The following SEL1L3 variants were observed in gnomAD, a reference collection of about 807,000 sequenced individuals.
The protein encoded by SEL1L3 is protein sel-1 homolog 3.
A neutral mutation model predicts 142.8 loss-of-function variants in SEL1L3; 76 were observed. The ratio of observed to expected loss-of-function variants is 0.53; its 90% CI spans 0.44 to 0.64. SEL1L3 has a LOEUF of 0.64. SEL1L3 is among the 30% of genes least tolerant of loss of function. SEL1L3 has a pLI of 0.00. For missense variants in SEL1L3, 1,262 were observed against 1,381.7 expected (o/e 0.91, Z 1.37); for synonymous variants, 504 against 519.6 (o/e 0.97, Z 0.41).
chr4:25,721,498 A>G, the SEL1L3 span, among the ~76,000 whole-genome samples: 1 of 152,138 alleles, frequency 6.6e-6, no homozygotes, highest in Admixed American at 6.5e-5. Flanking sequence ...GTCCTTCCAC[A>G]ATGACTTACC....
At chr4:25,739,709 A>G in the SEL1L3 span, among the ~76,000 whole-genome samples, 1 of 145,940 alleles carries the variant, frequency 6.9e-6, no homozygotes, top group Admixed American at 6.6e-5. Context: ...CCGTCAAAAA[A>G]AAACAAAAAA....
intron 7 of SEL1L3, 71 bp downstream of exon 7, chr4:25,821,925 G>A: frequency 3.3e-6 from 5 of 1,501,508 alleles, no homozygotes; most frequent in Non-Finnish European, 4.5e-6. Context: ...TATTTACACT[G>A]GGTGGCACAC....
chr4:25,750,771 T>C (rs1717543578), intron 23 of SEL1L3, among the ~76,000 whole-genome samples: 1 of 152,236 alleles, frequency 6.6e-6, no homozygotes, highest in African/African-American at 2.4e-5. Flanking sequence ...GCTGGAAATG[T>C]AGATGACAGG....
At chr4:25,744,315 T>C (rs1456091273), downstream of SEL1L3, among the ~76,000 whole-genome samples, 2 of 149,258 alleles carry the variant, frequency 1.3e-5, no homozygotes, top group Non-Finnish European at 3.0e-5. Flanking sequence ...AGTTAAGAGT[T>C]AATTAAGGTA....
At chr4:25,824,066 CT>C (rs1288230740) in intron 6 of SEL1L3, among the ~76,000 whole-genome samples, 1 of 152,178 alleles carries the variant, frequency 6.6e-6, no homozygotes, top group Non-Finnish European at 1.5e-5. Context: ...TGATATTTTT[CT>C]TTTCAGAATC....
At position 25,759,229 on chromosome 4, in the gene SEL1L3, T is replaced by C. The variant is rs910498496; in HGVS notation, c.2956-161A>G. ...CATTGATGAATTGTTTCCCTAAATA[T>C]ATGCATCTGAGAAATTTATTTGCAG... is the stretch of plus-strand genomic sequence containing the variant. On this transcript the variant is annotated intron_variant, in intron 20 of 23. Coordinates refer to ENST00000399878, the MANE Select transcript of SEL1L3 (RefSeq NM_015187.5). 1.0e-5 allele frequency: 7 copies of C among 688,122 alleles called. No individual in the cohort carries two copies. The African/African-American group carries it at 1.3e-4, about 12-fold the overall frequency. 42.6% of individuals were successfully genotyped at this position (688,122 alleles called of 1,614,324 possible). A position where few individuals can be genotyped will look rare whatever the true frequency, so the allele number is the denominator to read the frequency against.
At chr4:25,862,460 G>A in intron 1 of SEL1L3, among the ~76,000 whole-genome samples, 1 of 152,172 alleles carries the variant, frequency 6.6e-6, no homozygotes, top group East Asian at 1.9e-4. Flanking sequence ...ATGAGCACGA[G>A]CGAGAGAGCA....
chr4:25,817,562 G>A (rs986449610), intron 9 of SEL1L3, among the ~76,000 whole-genome samples: 4 of 152,134 alleles, frequency 2.6e-5, no homozygotes, highest in Admixed American at 1.3e-4. Flanking sequence ...ACTTCAAATC[G>A]GAGGTCCCAC....
chr4:25,757,714 A>T lies in SEL1L3; in HGVS notation c.3160T>A (p.Trp1054Arg). ...AWLYLHLRLL[W>R]GAILHSALIY... ...AGGGCTGAGTGCAGGATAGCACCCCAGAGAAGCCGCAAGTGCAGGTAAAGC... is the reference window on the plus strand; with the variant it reads ...AGGGCTGAGTGCAGGATAGCACCCCTGAGAAGCCGCAAGTGCAGGTAAAGC... The change falls in exon 22 of 24, where the codon TGG (tryptophan) becomes AGG (arginine). Residue 1054 changes from tryptophan (W) to arginine (R), a missense_variant. Physicochemically the swap from Trp to Arg is moderately radical, Grantham distance 101. Transcript: ENST00000399878. 1 of 1,596,870 alleles carries T rather than the reference A, an allele frequency of 6.3e-7. No individual in the cohort carries two copies. The highest frequency in any genetic ancestry group is 2.3e-5 in the East Asian group (1 of 44,056).
chr4:25,729,751 C>T, the SEL1L3 span, among the ~76,000 whole-genome samples: 165 of 152,150 alleles, frequency 1.1e-3, 1 homozygote, highest in African/African-American at 3.7e-3. Context: ...TTTAGCCAAC[C>T]CATTTAGCAT....
At chr4:25,842,045 G>A (rs1325026649) in intron 2 of SEL1L3, among the ~76,000 whole-genome samples, 1 of 152,144 alleles carries the variant, frequency 6.6e-6, no homozygotes, top group Admixed American at 6.5e-5. Context: ...GTAAGTGACT[G>A]TAACTATTGG....
At chr4:25,838,768 G>T (rs1435098566) in intron 2 of SEL1L3, among the ~76,000 whole-genome samples, 1 of 152,178 alleles carries the variant, frequency 6.6e-6, no homozygotes, top group East Asian at 1.9e-4. Context: ...ACCCCTCACT[G>T]GTTGTTAAAT....
At chr4:25,723,874 G>C in the SEL1L3 span, among the ~76,000 whole-genome samples, 101 of 152,262 alleles carry the variant, frequency 6.6e-4, no homozygotes, top group East Asian at 0.018. Flanking sequence ...ATGCAGGACA[G>C]CTTGACTTAT....
chr4:25,734,160 A>C, the SEL1L3 span, among the ~76,000 whole-genome samples: 1 of 151,952 alleles, frequency 6.6e-6, no homozygotes, highest in Non-Finnish European at 1.5e-5. Flanking sequence ...AGTAGCTGGG[A>C]TTATAGGCAC....
Position 25,862,924 on chromosome 4 carries a change from G to T in SEL1L3, c.-88C>A, listed in dbSNP as rs910171728. On this transcript the variant is annotated 5_prime_UTR_variant, in exon 1 of 24. Coordinates refer to ENST00000399878, the MANE Select transcript of SEL1L3 (RefSeq NM_015187.5). ...AGGCGCCACCTTCCCGCCCGCCCCC[G>T]GCCGGGCCGGCCGCCGCGCGCGGGG... The T allele has an allele frequency of 9.5e-5, 79 of 831,474 alleles. No individual in the cohort carries two copies. Among genetic ancestry groups the T allele is most frequent in the Non-Finnish European group, 1.0e-4 (77 of 736,872 alleles). 51.5% of individuals were successfully genotyped at this position (831,474 alleles called of 1,614,324 possible).
intron 13 of SEL1L3, among the ~76,000 whole-genome samples, chr4:25,784,917 G>A (rs1006648687): frequency 6.6e-6 from 1 of 152,256 alleles, no homozygotes; most frequent in Non-Finnish European, 1.5e-5. Flanking sequence ...TGTCATAAGA[G>A]AGAAACTCTG....
chr4:25,792,961 T>C (rs77143595), intron 11 of SEL1L3, among the ~76,000 whole-genome samples: 1 of 152,242 alleles, frequency 6.6e-6, no homozygotes. Context: ...ATTGATATTC[T>C]TAGGTCTTTC....
Position 25,759,036 on chromosome 4 carries a change from T to C in SEL1L3, c.2988A>G (p.Glu996=). ...AGATATGGTGTGGGATTATCGTACCTTCCTCGATTAGCAGGGCCAGGTTAA... is the reference window on the plus strand; with the variant it reads ...AGATATGGTGTGGGATTATCGTACCCTCCTCGATTAGCAGGGCCAGGTTAA... ...GFFNLALLIE[E]GTIIPHHILD... The change falls in exon 21 of 24, where the codon GAA becomes GAG. Residue 996 remains glutamate (E), a synonymous_variant. Coordinates refer to ENST00000399878, the MANE Select transcript of SEL1L3 (RefSeq NM_015187.5). 6.2e-7 allele frequency: 1 copy of C among 1,613,744 alleles called. No individual in the cohort carries two copies. The highest frequency in any genetic ancestry group is 8.5e-7 in the Non-Finnish European group (1 of 1,179,816).
chr4:25,846,380 C>T lies in SEL1L3; in HGVS notation c.733+914G>A, dbSNP rs117258493. 2.4e-4 allele frequency among the ~76,000 whole-genome samples: 37 copies of T among 152,302 alleles called. No individual in the cohort carries two copies. The East Asian group carries it at 6.2e-3, about 25-fold the overall frequency. ...CTTCTCACTGAGTGCTGATGATGTG[C>T]TGAGCAATCACATCTCATTTAGTCC... On this transcript the variant is annotated intron_variant, in intron 2 of 23. Coordinates refer to ENST00000399878, the MANE Select transcript of SEL1L3 (RefSeq NM_015187.5).
Sources: allele counts gnomAD v4.1 joint callset (sites outside exome capture counted in the v4.1 genomes callset), GRCh38; gene constraint gnomAD v4.1.1; transcripts MANE v1.5; gene names NCBI Gene and HGNC (gene_info 2026-07-23, HGNC 2026-07-21).